DPP6: variants seen among roughly 807,000 people sequenced by gnomAD.
The protein encoded by DPP6 is A-type potassium channel modulatory protein DPP6.
Under a neutral mutation model 122.6 loss-of-function variants are expected in DPP6, and 69 were observed. The observed-to-expected ratio is 0.56, with a 90% CI of 0.46 to 0.69. The LOEUF (loss-of-function observed/expected upper bound fraction) is 0.69. Ranked by LOEUF, DPP6 falls within the 30% of genes least tolerant of loss-of-function variation. DPP6 has a pLI of 0.00. For synonymous variants in DPP6, 418 were observed against 433.1 expected (o/e 0.97, Z 0.43); for missense variants, 928 against 1,116.9 (o/e 0.83, Z 2.41).
chr7:153,940,942 A>G (rs904279477), intron 1 of DPP6, among the ~76,000 whole-genome samples: 19 of 152,058 alleles, frequency 1.2e-4, no homozygotes, highest in African/African-American at 3.9e-4. Context: ...TTCCATAGAC[A>G]TTGGTGCTCC....
chr7:154,147,499 TCTG>T, intron 1 of DPP6, among the ~76,000 whole-genome samples: 1 of 151,192 alleles, frequency 6.6e-6, no homozygotes, highest in African/African-American at 2.4e-5. Flanking sequence ...CCTTTCTTTT[TCTG>T]TCGGAGTCTT....
chr7:154,696,334 C>T (rs188791542), intron 7 of DPP6, among the ~76,000 whole-genome samples: 54 of 152,288 alleles, frequency 3.5e-4, no homozygotes, highest in African/African-American at 1.2e-3. Flanking sequence ...AAAGGTTACA[C>T]GGGACCCAGT....
intron 1 of DPP6, among the ~76,000 whole-genome samples, chr7:153,972,667 A>G (rs1796081653): frequency 6.6e-6 from 1 of 151,618 alleles, no homozygotes; most frequent in African/African-American, 2.4e-5. Flanking sequence ...TGCTATGTTC[A>G]GAATTGTCAG....
intron 1 of DPP6, among the ~76,000 whole-genome samples, chr7:154,258,590 G>T (rs1802809155): frequency 6.6e-6 from 1 of 152,202 alleles, no homozygotes; most frequent in Non-Finnish European, 1.5e-5. Flanking sequence ...ATAGGACAGT[G>T]CAAAGGAATA....
Position 154,180,427 on chromosome 7 carries a change from TATA to T in DPP6, c.243+127368_243+127370del, listed in dbSNP as rs200577726. Among the ~76,000 whole-genome samples the T allele has an allele frequency of 3.7e-3, 533 of 144,568 alleles. 3 individuals are homozygous for T. The highest frequency in any genetic ancestry group is 0.011 in the African/African-American group (429 of 39,214). The allele number at this position is 144,568 out of a possible 152,430, so 94.8% of individuals were successfully genotyped here. A position where few individuals can be genotyped will look rare whatever the true frequency, so the allele number is the denominator to read the frequency against. ...TAAATATATATATCTATATATAATA[TATA>T]ATATATATACACATTTATATATTAT... On this transcript the variant is annotated intron_variant, in intron 1 of 25. Transcript: ENST00000377770.
rs116839359 is a variant in DPP6, at chr7:154,266,730, A to G, written c.244-179484A>G. On this transcript the variant is annotated intron_variant, in intron 1 of 25. Coordinates refer to ENST00000377770, the MANE Select transcript of DPP6 (RefSeq NM_130797.4). The stretch of plus-strand genomic sequence containing the variant: ...AATATGATTACATATCTGTTCAATG[A>G]AATGATTCCACCAGAGGTTCTCAAA... Among the ~76,000 whole-genome samples the G allele has an allele frequency of 5.8e-3, 880 of 152,344 alleles. 15 individuals carry two copies. The highest frequency in any genetic ancestry group is 0.02 in the African/African-American group (828 of 41,584).
At chr7:154,631,294 G>C (rs191571653) in intron 5 of DPP6, among the ~76,000 whole-genome samples, 7 of 152,310 alleles carry the variant, frequency 4.6e-5, no homozygotes, top group Admixed American at 1.3e-4. Flanking sequence ...AGGCGAAGGA[G>C]AGCAGGTCCT....
Position 154,887,719 on chromosome 7 carries a change from C to T in DPP6, c.2289C>T (p.Asp763=). 1 of 1,613,882 alleles carries T rather than the reference C, an allele frequency of 6.2e-7. No homozygotes were observed. Among genetic ancestry groups the T allele is most frequent in the Non-Finnish European group, 8.5e-7 (1 of 1,179,782 alleles). Residue 763 remains aspartate (D), a synonymous_variant, in exon 23 of 26, where the codon GAC becomes GAT. Transcript: ENST00000377770. ...GGTACTTGGGCCTCCATGGACTTGA[C>T]AACAGAGCATACGAGGTGTGTATGG... The part of the protein sequence containing the change: ...SERYLGLHGL[D]NRAYEMTKVA...
chr7:153,904,321 G>A (rs1174186792), intron 1 of DPP6, among the ~76,000 whole-genome samples: 1 of 152,140 alleles, frequency 6.6e-6, no homozygotes. Flanking sequence ...CAAAATGCTG[G>A]GATTACAGGC....
At chr7:154,397,518 T>C (rs917116810) in intron 1 of DPP6, among the ~76,000 whole-genome samples, 17 of 152,240 alleles carry the variant, frequency 1.1e-4, no homozygotes, top group African/African-American at 4.1e-4. Context: ...CACTATTGAA[T>C]AAAATATTAT....
At chr7:154,538,283 G>C (rs189307012) in intron 3 of DPP6, among the ~76,000 whole-genome samples, 52 of 152,200 alleles carry the variant, frequency 3.4e-4, no homozygotes, top group Admixed American at 1.6e-3. Flanking sequence ...AGGATGTGCA[G>C]GTTTGTAGCA....
At chr7:154,278,408 G>A (rs1804276514) in intron 1 of DPP6, among the ~76,000 whole-genome samples, 1 of 152,210 alleles carries the variant, frequency 6.6e-6, no homozygotes, top group Non-Finnish European at 1.5e-5. Context: ...CAGCTTGAAG[G>A]AAACTCAGGC....
intron 18 of DPP6, 75 bp downstream of exon 18, chr7:154,868,168 C>T (rs2150625874): frequency 6.6e-7 from 1 of 1,522,068 alleles, no homozygotes; most frequent in East Asian, 2.5e-5. Flanking sequence ...CAGTCATCAG[C>T]AGCAGGTGCC....
intron 1 of DPP6, among the ~76,000 whole-genome samples, chr7:153,961,675 C>T (rs1358316512): frequency 2.0e-5 from 3 of 151,424 alleles, no homozygotes; most frequent in South Asian, 4.2e-4. Context: ...GTACAACTCC[C>T]CATAATATAG....
At chr7:153,756,379 A>G in the DPP6 span, among the ~76,000 whole-genome samples, 2 of 151,842 alleles carry the variant, frequency 1.3e-5, no homozygotes, top group African/African-American at 2.4e-5. Context: ...GCAGTTAATG[A>G]GAGAGCCAGG....
chr7:154,435,294 G>C (rs1178763541), intron 1 of DPP6, among the ~76,000 whole-genome samples: 2 of 152,024 alleles, frequency 1.3e-5, no homozygotes, highest in Admixed American at 1.3e-4. Flanking sequence ...ATGGGAGGGG[G>C]TACTGAGAGA....
At chr7:154,855,569 C>T (rs185886181) in intron 17 of DPP6, among the ~76,000 whole-genome samples, 10 of 152,288 alleles carry the variant, frequency 6.6e-5, no homozygotes, top group Non-Finnish European at 8.8e-5. Context: ...ATGTTGGGCG[C>T]GATTGCCTGG....
At chr7:153,824,977 A>G in the DPP6 span, among the ~76,000 whole-genome samples, 57 of 152,162 alleles carry the variant, frequency 3.7e-4, no homozygotes, top group African/African-American at 1.3e-3. Flanking sequence ...GGCCCGAGAC[A>G]ACTTAGAACA....
intron 1 of DPP6, among the ~76,000 whole-genome samples, chr7:154,170,274 G>C (rs956435114): frequency 6.6e-6 from 1 of 152,130 alleles, no homozygotes; most frequent in African/African-American, 2.4e-5. Flanking sequence ...ACCATTGCCC[G>C]AGGAGGTCTT....
Sources: allele counts gnomAD v4.1 joint callset (sites outside exome capture counted in the v4.1 genomes callset), GRCh38; gene constraint gnomAD v4.1.1; transcripts MANE v1.5; gene names NCBI Gene and HGNC (gene_info 2026-07-23, HGNC 2026-07-21).